The following CACNA1E variants were observed in gnomAD, a reference collection of about 807,000 sequenced individuals.
CACNA1E encodes calcium voltage-gated channel subunit alpha1 E.
CACNA1E carries 40 observed loss-of-function variants against 259.2 expected under a neutral mutation model. The ratio of observed to expected loss-of-function variants is 0.15; its 90% CI spans 0.12 to 0.20. The LOEUF is 0.20. Ranked by LOEUF, CACNA1E falls within the 10% of genes least tolerant of loss-of-function variation. The pLI is 1.00. For missense variants in CACNA1E, 1,874 were observed against 3,040.1 expected, an observed-to-expected ratio of 0.62 and a Z score of 9.02; for synonymous variants, 1,104 against 1,138.5, an observed-to-expected ratio of 0.97 and a Z score of 0.61.
chr1:181,350,750 C>A lies in CACNA1E; in HGVS notation c.-15+32627C>A, dbSNP rs138086454. Among the ~76,000 whole-genome samples, 583 of 152,242 alleles carry A rather than the reference C, an allele frequency of 3.8e-3. 5 individuals are homozygous for A. Among genetic ancestry groups the A allele is most frequent in the African/African-American group, 0.014 (568 of 41,542 alleles). ...CTTGGAAATCATCAGAAATGCCCAC[C>A]CTGCTTTGCCTCATATTCTCCCAAT... On this transcript the variant is annotated intron_variant, in intron 1 of 11. Transcript: ENST00000524607.
intron 21 of CACNA1E, 142 bp from the exon 22 acceptor site, chr1:181,736,132 AC>A: frequency 4.7e-6 from 4 of 845,086 alleles, no homozygotes; most frequent in Admixed American, 3.0e-5. Context: ...GGTAGTAAAT[AC>A]CCCCAGTGCC....
chr1:181,701,802 T>A (rs1652287227), intron 7 of CACNA1E, among the ~76,000 whole-genome samples: 1 of 152,216 alleles, frequency 6.6e-6, no homozygotes, highest in African/African-American at 2.4e-5. Context: ...ATGGGAGGGA[T>A]TCATGAAGCA....
intron 2 of CACNA1E, among the ~76,000 whole-genome samples, chr1:181,476,272 C>T (rs1282743571): frequency 6.6e-6 from 1 of 152,100 alleles, no homozygotes; most frequent in Non-Finnish European, 1.5e-5. Context: ...TATGGGAATG[C>T]CTTCTTCCCT....
At chr1:181,325,396 A>G (rs1225061567) in intron 1 of CACNA1E, among the ~76,000 whole-genome samples, 1 of 152,116 alleles carries the variant, frequency 6.6e-6, no homozygotes, top group African/African-American at 2.4e-5. Flanking sequence ...ATTCACTCAC[A>G]TGGGAGGGGT....
chr1:181,560,211 T>C (rs1649174517), intron 3 of CACNA1E, among the ~76,000 whole-genome samples: 2 of 152,090 alleles, frequency 1.3e-5, no homozygotes, highest in Non-Finnish European at 2.9e-5. Flanking sequence ...AGGAAGATAC[T>C]GCAAACAACC....
chr1:181,612,310 T>C (rs1447009650), intron 6 of CACNA1E, among the ~76,000 whole-genome samples: 1 of 152,220 alleles, frequency 6.6e-6, no homozygotes, highest in Non-Finnish European at 1.5e-5. Flanking sequence ...GCACTCTCCT[T>C]GCTCTGATCC....
At chr1:181,570,690 A>G (rs77996477) in intron 3 of CACNA1E, among the ~76,000 whole-genome samples, 2,049 of 152,298 alleles carry the variant, frequency 0.013, 34 homozygotes, top group Admixed American at 0.043. Context: ...CTTCAGAGTC[A>G]GATGCAGAAT....
chr1:181,422,266 G>A (rs945146080), intron 2 of CACNA1E, among the ~76,000 whole-genome samples: 10 of 152,172 alleles, frequency 6.6e-5, no homozygotes, highest in South Asian at 2.1e-4. Context: ...TGACTGCCTC[G>A]TTCACTCCAT....
intron 7 of CACNA1E, among the ~76,000 whole-genome samples, chr1:181,672,586 C>T (rs1648921011): frequency 6.6e-6 from 1 of 152,162 alleles, no homozygotes; most frequent in Non-Finnish European, 1.5e-5. Context: ...ACCTCGAGGC[C>T]AAGGCCAAGT....
intron 1 of CACNA1E, among the ~76,000 whole-genome samples, chr1:181,496,517 A>G (rs57383248): frequency 1.3e-5 from 2 of 152,076 alleles, no homozygotes; most frequent in South Asian, 2.1e-4. Flanking sequence ...TAGGGCCTCT[A>G]TGTTTGTTCT....
chr1:181,598,328 T>TG (rs1171050890), intron 6 of CACNA1E, among the ~76,000 whole-genome samples: 2 of 152,198 alleles, frequency 1.3e-5, no homozygotes, highest in Non-Finnish European at 2.9e-5. Flanking sequence ...ATGGTCCCTT[T>TG]GAGCATTATG....
intron 1 of CACNA1E, among the ~76,000 whole-genome samples, chr1:181,362,044 G>A (rs1653918582): frequency 6.6e-6 from 1 of 152,178 alleles, no homozygotes; most frequent in African/African-American, 2.4e-5. Context: ...TTCCTCATCT[G>A]TAAAATGGGG....
chr1:181,631,416 G>T (rs1656725337), intron 6 of CACNA1E, among the ~76,000 whole-genome samples: 1 of 152,086 alleles, frequency 6.6e-6, no homozygotes, highest in African/African-American at 2.4e-5. Flanking sequence ...TTGAATCCTT[G>T]CAGTTTTCAG....
At chr1:181,745,270 T>G (rs1656957271) in intron 25 of CACNA1E, 1 of 410,824 alleles carries the variant, frequency 2.4e-6, no homozygotes, top group Admixed American at 3.0e-5. Flanking sequence ...AGGAACTGCC[T>G]GTAGAATATT....
chr1:181,518,091 T>C (rs1461699218), intron 3 of CACNA1E, among the ~76,000 whole-genome samples: 1 of 151,694 alleles, frequency 6.6e-6, no homozygotes, highest in African/African-American at 2.4e-5. Flanking sequence ...GCAGAATGGG[T>C]AGAGGGAGGA....
chr1:181,513,266 C>T (rs974173342), intron 3 of CACNA1E, among the ~76,000 whole-genome samples: 12 of 152,202 alleles, frequency 7.9e-5, no homozygotes, highest in Admixed American at 3.3e-4. Context: ...TGTGGTATTT[C>T]CTTCCAGGCC....
At chr1:181,717,898 C>T (rs569449919) in intron 11 of CACNA1E, among the ~76,000 whole-genome samples, 157 bp from the exon 12 acceptor site, 12 of 152,304 alleles carry the variant, frequency 7.9e-5, no homozygotes, top group South Asian at 2.1e-4. Flanking sequence ...AGAGGGTACT[C>T]GGACATCATT....
At chr1:181,451,769 T>C (rs1661171303) in intron 2 of CACNA1E, among the ~76,000 whole-genome samples, 1 of 152,084 alleles carries the variant, frequency 6.6e-6, no homozygotes. Context: ...AGCCTTTGAG[T>C]GCATGAAAGT....
At chr1:181,777,275 C>A (rs1325991535) in intron 38 of CACNA1E, among the ~76,000 whole-genome samples, 1 of 152,176 alleles carries the variant, frequency 6.6e-6, no homozygotes, top group Non-Finnish European at 1.5e-5. Flanking sequence ...AATCCTCTAT[C>A]CATTCTGGTC....
Sources: allele counts gnomAD v4.1 joint callset (sites outside exome capture counted in the v4.1 genomes callset), GRCh38; gene constraint gnomAD v4.1.1; transcripts MANE v1.5; gene names NCBI Gene and HGNC (gene_info 2026-07-23, HGNC 2026-07-21).